Variants in PHF20 observed in about 807,000 individuals in gnomAD.
The protein encoded by PHF20 is glioma-expressed antigen 2.
Under a neutral mutation model 113.5 loss-of-function variants are expected in PHF20, and 23 were observed. The observed-to-expected ratio is 0.20, with a 90% CI of 0.15 to 0.29. PHF20 has a LOEUF of 0.29. Ranked by LOEUF, PHF20 falls within the 10% of genes least tolerant of loss-of-function variation. The pLI, the probability that PHF20 is intolerant of heterozygous loss-of-function variation, is 1.00. For synonymous variants in PHF20, 434 were observed against 457.3 expected, an observed-to-expected ratio of 0.95 and a Z score of 0.65; for missense variants, 943 against 1,219.6, an observed-to-expected ratio of 0.77 and a Z score of 3.38.
At chr20:35,933,334 G>T (rs1464784255) in intron 15 of PHF20, among the ~76,000 whole-genome samples, 1 of 151,452 alleles carries the variant, frequency 6.6e-6, no homozygotes, top group Non-Finnish European at 1.5e-5. Flanking sequence ...CTGGGTTCAA[G>T]CGATTCTCCT....
intron 2 of PHF20, among the ~76,000 whole-genome samples, chr20:35,829,484 T>C (rs1020320899): frequency 6.8e-6 from 1 of 147,806 alleles, no homozygotes; most frequent in African/African-American, 2.7e-5. Context: ...TAGCTGGGAT[T>C]ATAGGCTTGT....
intron 1 of PHF20, among the ~76,000 whole-genome samples, chr20:35,801,251 T>C (rs1362168726): frequency 6.6e-6 from 1 of 152,118 alleles, no homozygotes; most frequent in Non-Finnish European, 1.5e-5. Flanking sequence ...CCTTGGCCCT[T>C]GTAGGTGAGT....
chr20:35,871,134 G>A lies in PHF20; in HGVS notation c.1102G>A (p.Gly368Ser), dbSNP rs755790566. ...GTCTAGTACCAAGGAATCTGAAGAAGGTGAGTCAGTCTGTTCAGGAATTGT... is the reference window on the plus strand; with the variant it reads ...GTCTAGTACCAAGGAATCTGAAGAAAGTGAGTCAGTCTGTTCAGGAATTGT... ...TLSSTKESEE[G>S]QLKSALEAGQ... Residue 368 changes from glycine (G) to serine (S), a missense_variant and splice_region_variant, in exon 8 of 18, where the codon GGT becomes AGT. Gly to Ser is a moderately conservative substitution (Grantham distance 56). This residue lies in a region of PHF20 where 592 missense variants were observed against 787.2 expected (regional missense o/e 0.75). Transcript: ENST00000374012. 10 of 1,606,634 alleles carry A rather than the reference G, an allele frequency of 6.2e-6. No homozygotes were observed. The Admixed American group carries it at 1.7e-4, about 28-fold the overall frequency.
chr20:35,778,037 TAGGG>T (rs2041209700), intron 1 of PHF20, among the ~76,000 whole-genome samples: 1 of 152,116 alleles, frequency 6.6e-6, no homozygotes, highest in African/African-American at 2.4e-5. Context: ...TAAGAAATAA[TAGGG>T]AGGATGTTTA....
intron 12 of PHF20, among the ~76,000 whole-genome samples, chr20:35,915,449 C>T (rs867704775): frequency 9.2e-5 from 14 of 151,766 alleles, no homozygotes; most frequent in Admixed American, 7.9e-4. Flanking sequence ...TGCAGTGGCG[C>T]GATCTTGGCT....
chr20:35,935,619 G>T (rs139285999), intron 15 of PHF20, among the ~76,000 whole-genome samples: 2 of 152,116 alleles, frequency 1.3e-5, no homozygotes, highest in Non-Finnish European at 2.9e-5. Context: ...TGTCTGCCTC[G>T]GCCTCCTAAA....
intron 1 of PHF20, among the ~76,000 whole-genome samples, chr20:35,798,729 T>C (rs2041718412): frequency 6.6e-6 from 1 of 151,460 alleles, no homozygotes; most frequent in African/African-American, 2.4e-5. Flanking sequence ...TCTGGGATTA[T>C]AGGCATGAGC....
intron 5 of PHF20, among the ~76,000 whole-genome samples, chr20:35,861,656 T>C (rs2054220603): frequency 6.6e-6 from 1 of 152,224 alleles, no homozygotes; most frequent in Non-Finnish European, 1.5e-5. Flanking sequence ...TTCAAAGGTA[T>C]AACCTTTTTA....
intron 2 of PHF20, among the ~76,000 whole-genome samples, chr20:35,817,143 CT>C (rs911780703): frequency 9.5e-5 from 14 of 147,178 alleles, no homozygotes; most frequent in South Asian, 2.2e-4. Context: ...ACAGTTCTTT[CT>C]TTTTTTTTTA....
At chr20:35,944,501 G>A (rs1042925689) in intron 17 of PHF20, among the ~76,000 whole-genome samples, 1 of 152,240 alleles carries the variant, frequency 6.6e-6, no homozygotes, top group Non-Finnish European at 1.5e-5. Context: ...GCAAAAGATT[G>A]ACTGACTCTC....
intron 9 of PHF20, among the ~76,000 whole-genome samples, chr20:35,886,789 G>A (rs1012341437): frequency 3.3e-5 from 5 of 152,198 alleles, no homozygotes; most frequent in African/African-American, 1.2e-4. Flanking sequence ...TGTGGAGTGA[G>A]CTGGGTCTGG....
chr20:35,839,205 A>G (rs1231522455), intron 2 of PHF20, among the ~76,000 whole-genome samples: 4 of 151,772 alleles, frequency 2.6e-5, no homozygotes, highest in African/African-American at 7.3e-5. Flanking sequence ...CCTGGCTAAC[A>G]TGGTGAAACC....
At chr20:35,946,095 C>T (rs907158950) in intron 17 of PHF20, among the ~76,000 whole-genome samples, 6 of 150,450 alleles carry the variant, frequency 4.0e-5, no homozygotes, top group East Asian at 2.0e-4. Flanking sequence ...CGCCTGTACC[C>T]GGGAGGCGGA....
In PHF20 at chr20:35,902,238, A is replaced by G. The variant is rs1167234992; in HGVS notation, c.1561+2590A>G. The stretch of plus-strand genomic sequence containing the variant: ...GAAACAACCAGCACTGAAGGACTGG[A>G]GATTATGTTGAGTAAATGGAGGTCA... On this transcript the variant is annotated intron_variant, in intron 10 of 17. Coordinates refer to ENST00000374012, the MANE Select transcript of PHF20 (RefSeq NM_016436.5). Among the ~76,000 whole-genome samples the G allele has an allele frequency of 3.9e-5, 6 of 152,194 alleles. No individual in the cohort carries two copies. The East Asian group carries it at 1.2e-3, about 29-fold the overall frequency.
intron 2 of PHF20, among the ~76,000 whole-genome samples, chr20:35,839,346 G>A (rs1000295355): frequency 1.4e-5 from 2 of 147,392 alleles, no homozygotes; most frequent in Admixed American, 6.9e-5. Flanking sequence ...AGCTAAGATC[G>A]TGCCACTGCA....
chr20:35,939,939 G>A (rs6121094), intron 16 of PHF20, among the ~76,000 whole-genome samples: 1 of 152,214 alleles, frequency 6.6e-6, no homozygotes, highest in Non-Finnish European at 1.5e-5. Context: ...TGTTGGGCAA[G>A]GTGGTAAGAA....
intron 2 of PHF20, among the ~76,000 whole-genome samples, chr20:35,812,794 C>T (rs1482418246): frequency 6.6e-6 from 1 of 152,074 alleles, no homozygotes; most frequent in African/African-American, 2.4e-5. Context: ...TGTGGGGATA[C>T]TCTGGTACGT....
At chr20:35,794,753 T>G (rs1407557286) in intron 1 of PHF20, among the ~76,000 whole-genome samples, 2 of 152,170 alleles carry the variant, frequency 1.3e-5, no homozygotes, top group Non-Finnish European at 1.5e-5. Flanking sequence ...ATCTATCACT[T>G]TTAATTCTTT....
intron 3 of PHF20, among the ~76,000 whole-genome samples, chr20:35,844,294 G>A (rs1568641501): frequency 1.3e-5 from 2 of 151,850 alleles, no homozygotes; most frequent in African/African-American, 4.8e-5. Flanking sequence ...AGTACAGATG[G>A]GGTTTCACTG....
Sources: allele counts gnomAD v4.1 joint callset (sites outside exome capture counted in the v4.1 genomes callset), GRCh38; gene constraint gnomAD v4.1.1; regional missense constraint gnomAD v4.1.1; transcripts MANE v1.5; gene names NCBI Gene and HGNC (gene_info 2026-07-23, HGNC 2026-07-21).